Variants in BEGAIN observed in about 807,000 individuals in gnomAD.
The protein encoded by BEGAIN is brain-enriched guanylate kinase-associated protein.
In BEGAIN, 19 loss-of-function variants were observed where a neutral mutation model predicts 35.8. That is an observed-to-expected ratio of 0.53 (90% CI 0.37 to 0.78). The LOEUF (loss-of-function observed/expected upper bound fraction) is 0.78, where lower values mean the gene tolerates loss of function less well. Among genes scored for constraint, BEGAIN ranks in the 30% least tolerant of loss-of-function variants. BEGAIN has a pLI of 0.00. For synonymous variants in BEGAIN, 462 were observed against 388.6 expected (o/e 1.19, Z -2.22); for missense variants, 795 against 853.6 (o/e 0.93, Z 0.85).
At chr14:100,553,163 G>T (rs1365638766) in intron 2 of BEGAIN, among the ~76,000 whole-genome samples, 1 of 152,184 alleles carries the variant, frequency 6.6e-6, no homozygotes. Flanking sequence ...CCAGCTGCAG[G>T]TCCTTGACGG....
In BEGAIN at chr14:100,567,775, G is replaced by A. The variant is rs1428044708; in HGVS notation, c.71+136C>T. On this transcript the variant is annotated intron_variant, in intron 2 of 6. Transcript: ENST00000554140. This position sits in a 1 kb window ranked among gnomAD's most constrained non-coding sequence, Gnocchi z 5.1. The stretch of plus-strand genomic sequence containing the variant: ...ACACACGCACCACACACACGCACCT[G>A]GCCCGCAGCCCCGCCGAGGCCGCCC... 2.4e-6 allele frequency: 2 copies of A among 843,400 alleles called. No homozygotes were observed. The highest frequency in any genetic ancestry group is 3.2e-6 in the Non-Finnish European group (2 of 618,076). 52.2% of individuals were successfully genotyped at this position (843,400 alleles called of 1,614,324 possible).
intron 1 of BEGAIN, chr14:100,577,719 G>A (rs371516542): frequency 1.3e-5 from 5 of 399,080 alleles, no homozygotes; most frequent in African/African-American, 1.0e-4. Context: ...AGGAAGGCTG[G>A]GCTGGCGACA....
Position 100,545,076 on chromosome 14 carries a change from G to A in BEGAIN, c.234-10C>T, listed in dbSNP as rs775300513. On this transcript the variant is annotated splice_polypyrimidine_tract_variant and intron_variant, in intron 3 of 6. Coordinates refer to ENST00000554140, the MANE Select transcript of BEGAIN (RefSeq NM_001385089.1). The stretch of plus-strand genomic sequence containing the variant: ...GTAGTTGCTCTGAATCCTGGTGCAG[G>A]AGGCAAGGGGGTCACTGCCATGCAA... 2.3e-5 allele frequency: 37 copies of A among 1,613,092 alleles called. No individual in the cohort carries two copies. Among genetic ancestry groups the A allele is most frequent in the Non-Finnish European group, 2.9e-5 (34 of 1,179,996 alleles).
intron 2 of BEGAIN, among the ~76,000 whole-genome samples, chr14:100,557,653 C>G (rs1181557188): frequency 1.3e-5 from 2 of 152,134 alleles, no homozygotes; most frequent in Admixed American, 6.5e-5. Flanking sequence ...ATCCACTGGG[C>G]TCCTGCACCC....
At chr14:100,550,422 G>A in intron 2 of BEGAIN, 1 of 399,174 alleles carries the variant, frequency 2.5e-6, no homozygotes, top group East Asian at 3.6e-5. Context: ...TATGTTACCT[G>A]TCCCAGATGG....
At chr14:100,550,478 C>G (rs550369528) in intron 2 of BEGAIN, 1 of 399,206 alleles carries the variant, frequency 2.5e-6, no homozygotes, top group East Asian at 3.6e-5. Flanking sequence ...CGGGGCTGCC[C>G]GAGGCACAAG....
chr14:100,561,486 T>C (rs774059686), intron 2 of BEGAIN, among the ~76,000 whole-genome samples: 5 of 152,186 alleles, frequency 3.3e-5, no homozygotes, highest in Admixed American at 6.5e-5. Flanking sequence ...TGGTGGCTCA[T>C]GTCTGTAATC....
intron 5 of BEGAIN, among the ~76,000 whole-genome samples, chr14:100,543,051 A>G (rs1304529707): frequency 6.6e-6 from 1 of 152,038 alleles, no homozygotes; most frequent in Non-Finnish European, 1.5e-5. Context: ...ACAGCTGCAC[A>G]CCACGGTTGC....
intron 1 of BEGAIN, among the ~76,000 whole-genome samples, chr14:100,585,221 AT>A (rs2035409294): frequency 1.7e-5 from 2 of 115,348 alleles, no homozygotes; most frequent in African/African-American, 7.1e-5. Flanking sequence ...CCATCCATCC[AT>A]CCATCCATCC....
chr14:100,547,099 C>G (rs2032626348), intron 2 of BEGAIN: 1 of 155,146 alleles, frequency 6.4e-6, no homozygotes. Flanking sequence ...TCCTGCTCCT[C>G]CACAGTGCTA....
chr14:100,546,802 A>C, intron 2 of BEGAIN, 140 bp from the exon 3 acceptor site: 1 of 634,708 alleles, frequency 1.6e-6, no homozygotes, highest in Non-Finnish European at 2.5e-6. Flanking sequence ...ACACACACAC[A>C]CACACACACA....
In BEGAIN at chr14:100,573,841, GCA is replaced by G. The variant is rs1265064062; in HGVS notation, c.43-5904_43-5903del. On this transcript the variant is annotated intron_variant, in intron 1 of 6. Transcript: ENST00000554140. The surrounding 1 kb of genome is among the most constrained non-coding windows in gnomAD (Gnocchi z 4.2). ...CCGCAGCACTGGGGAGGCCGCCAGG[GCA>G]GCCACGGTGGGAGGCGACAGGGGCT... Among the ~76,000 whole-genome samples the G allele has an allele frequency of 6.6e-6, 1 of 151,972 alleles. No homozygotes were observed. Among genetic ancestry groups the G allele is most frequent in the African/African-American group, 2.4e-5 (1 of 41,372 alleles).
intron 2 of BEGAIN, chr14:100,546,905 C>T (rs576403819): frequency 3.5e-5 from 14 of 394,860 alleles, no homozygotes; most frequent in African/African-American, 2.9e-4. Flanking sequence ...CTGGGCGGTT[C>T]CTCAGACTCC....
chr14:100,568,136 A>G lies in BEGAIN; in HGVS notation c.43-197T>C. Reference sequence around the variant, plus strand: ...CAGTGGGCGCGCCGGGCCGCGGCCGAGTAACAGGTGAGCCCGCCCGGGCCG... The same window carrying G: ...CAGTGGGCGCGCCGGGCCGCGGCCGGGTAACAGGTGAGCCCGCCCGGGCCG... On this transcript the variant is annotated intron_variant, in intron 1 of 6. Transcript: ENST00000554140. The surrounding 1 kb of genome is among the most constrained non-coding windows in gnomAD (Gnocchi z 7.5). 1 of 991,132 alleles carries G rather than the reference A, an allele frequency of 1.0e-6. No homozygotes were observed. The highest frequency in any genetic ancestry group is 1.2e-6 in the Non-Finnish European group (1 of 830,748). 61.4% of individuals were successfully genotyped at this position (991,132 alleles called of 1,614,324 possible).
intron 1 of BEGAIN, among the ~76,000 whole-genome samples, chr14:100,570,779 AG>A (rs1158668984): frequency 1.3e-5 from 2 of 151,844 alleles, no homozygotes; most frequent in African/African-American, 4.8e-5. Context: ...CCCGGGTGCA[AG>A]TTTTGATTCA....
In BEGAIN at chr14:100,538,757, C is replaced by G; in HGVS notation, c.1051G>C (p.Glu351Gln). 1 of 1,578,206 alleles carries G rather than the reference C, an allele frequency of 6.3e-7. No individual in the cohort carries two copies. Among genetic ancestry groups the G allele is most frequent in the Non-Finnish European group, 8.6e-7 (1 of 1,163,158 alleles). The change falls in exon 7 of 7, where the codon GAG (glutamate) becomes CAG (glutamine). Residue 351 changes from glutamate (E) to glutamine (Q), a missense_variant. By Grantham distance (29) the Glu-to-Gln change is conservative. This residue lies in a region of BEGAIN where 664 missense variants were observed against 647.7 expected (regional missense o/e 1.03). Transcript: ENST00000554140. ...GCGGGTGGCTTGCGGTCGAAGAGCT[C>G]GTCGCGGCTGTTCAGGTAGATGGCC... is the stretch of plus-strand genomic sequence containing the variant. ...QQAIYLNSRD[E>Q]LFDRKPPATT...
intron 1 of BEGAIN, chr14:100,577,643 G>A (rs1050709428): frequency 1.0e-5 from 4 of 398,954 alleles, no homozygotes; most frequent in African/African-American, 6.2e-5. Flanking sequence ...CTGGCCTCCC[G>A]CCAGCGGCCC....
chr14:100,570,541 C>T (rs1327447525), intron 1 of BEGAIN, among the ~76,000 whole-genome samples: 4 of 152,266 alleles, frequency 2.6e-5, no homozygotes, highest in African/African-American at 7.2e-5. Flanking sequence ...TTTACCCCCA[C>T]ACCAGATGGG....
At chr14:100,555,964 A>G (rs1003926582) in intron 2 of BEGAIN, among the ~76,000 whole-genome samples, 1 of 151,924 alleles carries the variant, frequency 6.6e-6, no homozygotes, top group South Asian at 2.1e-4. Context: ...GGGGAAAGAC[A>G]CATGCATGCA....
Sources: allele counts gnomAD v4.1 joint callset (sites outside exome capture counted in the v4.1 genomes callset), GRCh38; gene constraint gnomAD v4.1.1; regional missense constraint gnomAD v4.1.1; non-coding constraint Gnocchi (gnomAD v3.1); transcripts MANE v1.5; gene names NCBI Gene and HGNC (gene_info 2026-07-23, HGNC 2026-07-21).